BUB1B: variants seen among roughly 807,000 people sequenced by gnomAD.
BUB1B encodes the protein BUB1 mitotic checkpoint serine/threonine kinase B.
A neutral mutation model predicts 137.7 loss-of-function variants in BUB1B; 86 were observed. The ratio of observed to expected loss-of-function variants is 0.62; its 90% CI spans 0.52 to 0.75. The LOEUF (loss-of-function observed/expected upper bound fraction) is 0.75, where lower values mean the gene tolerates loss of function less well. Among genes scored for constraint, BUB1B ranks in the 30% least tolerant of loss-of-function variants. The probability of loss-of-function intolerance (pLI) is 0.00; values close to 1 mark genes in which losing one functional copy is unlikely to be tolerated. For synonymous variants in BUB1B, 420 were observed against 417.9 expected (o/e 1.00, Z -0.06); for missense variants, 1,130 against 1,236.9 (o/e 0.91, Z 1.30).
At chr15:40,220,094 AAAG>A (rs2037874012) in intron 22 of BUB1B, among the ~76,000 whole-genome samples, 1 of 152,192 alleles carries the variant, frequency 6.6e-6, no homozygotes, top group African/African-American at 2.4e-5. Flanking sequence ...TCTCTGATCA[AAAG>A]AAAATAATAA....
At chr15:40,217,201 C>T (rs1277817603) in intron 20 of BUB1B, among the ~76,000 whole-genome samples, 2 of 152,138 alleles carry the variant, frequency 1.3e-5, no homozygotes, top group Non-Finnish European at 1.5e-5. Context: ...GGGAAGAAGC[C>T]TGTGCTCTGC....
chr15:40,218,538 G>T lies in BUB1B; in HGVS notation c.2933G>T (p.Trp978Leu), dbSNP rs1191638586. 2 of 1,613,488 alleles carry T rather than the reference G, an allele frequency of 1.2e-6. No homozygotes were observed. The highest frequency in any genetic ancestry group is 2.7e-5 in the African/African-American group (2 of 74,914). ...HLQVFWDGSF[W>L]KLSQNISELK... ...CAGGTCTTCTGGGATGGGTCCTTCT[G>T]GAAACTTAGCCAAAATATTTCTGAG... The change falls in exon 22 of 23, where the codon TGG becomes TTG. Residue 978 changes from tryptophan to leucine, a missense_variant. By Grantham distance (61) the Trp-to-Leu change is moderately conservative. Coordinates refer to ENST00000287598, the MANE Select transcript of BUB1B (RefSeq NM_001211.6).
chr15:40,183,100 T>C (rs922347258), intron 5 of BUB1B, among the ~76,000 whole-genome samples: 8 of 152,188 alleles, frequency 5.3e-5, no homozygotes, highest in Admixed American at 4.6e-4. Context: ...GATAATACTT[T>C]TTAAGGCTAG....
intron 8 of BUB1B, 113 bp downstream of exon 8, chr15:40,185,755 A>G (rs1285106695): frequency 4.1e-6 from 4 of 986,270 alleles, no homozygotes; most frequent in Non-Finnish European, 6.3e-6. Flanking sequence ...TAACCAGGCC[A>G]GGCGCAGTAG....
chr15:40,165,170 T>C lies in BUB1B; in HGVS notation c.153T>C (p.Cys51=). The change falls in exon 2 of 23, where the codon TGT becomes TGC. Residue 51 remains cysteine, a synonymous_variant. Transcript: ENST00000287598. The stretch of plus-strand genomic sequence containing the variant: ...GAGCACTGGCACAAGAATCTGCCTG[T>C]AACAATACTCTTCAGCAGCAGAAAC... ...LQGALAQESA[C]NNTLQQQKRA... 6.2e-7 allele frequency: 1 copy of C among 1,614,214 alleles called. No homozygotes were observed. The highest frequency in any genetic ancestry group is 1.7e-5 in the Admixed American group (1 of 60,026).
intron 5 of BUB1B, among the ~76,000 whole-genome samples, chr15:40,179,203 T>C (rs1410280842): frequency 6.6e-6 from 1 of 152,176 alleles, no homozygotes; most frequent in Non-Finnish European, 1.5e-5. Context: ...TTCAGCATAC[T>C]GTTTTCAAGG....
At chr15:40,214,439 A>T (rs572783023) in intron 20 of BUB1B, among the ~76,000 whole-genome samples, 1 of 152,316 alleles carries the variant, frequency 6.6e-6, no homozygotes, top group South Asian at 2.1e-4. Context: ...TTGGTGTTAT[A>T]GTATTTGAGT....
At chr15:40,162,326 A>G (rs187508920) in intron 1 of BUB1B, among the ~76,000 whole-genome samples, 108 of 152,348 alleles carry the variant, frequency 7.1e-4, no homozygotes, top group African/African-American at 2.5e-3. Flanking sequence ...AATGGTGAAG[A>G]TGCAGATTGT....
chr15:40,175,889 C>T (rs896948155), intron 4 of BUB1B, among the ~76,000 whole-genome samples: 6 of 152,134 alleles, frequency 3.9e-5, no homozygotes, highest in Non-Finnish European at 7.3e-5. Context: ...CATTTTCCAC[C>T]TGATAAAAGT....
intron 5 of BUB1B, among the ~76,000 whole-genome samples, chr15:40,181,798 TTC>T (rs569213127): frequency 3.9e-5 from 6 of 152,336 alleles, no homozygotes; most frequent in East Asian, 1.9e-4. Context: ...ATTCTAAAAT[TTC>T]TGTTTCATTC....
chr15:40,217,371 A>G (rs900721904), intron 20 of BUB1B, 125 bp from the exon 21 acceptor site: 2 of 987,410 alleles, frequency 2.0e-6, no homozygotes, highest in South Asian at 1.4e-5. Context: ...TTCAAAATTA[A>G]CCACTGGAGG....
intron 8 of BUB1B, among the ~76,000 whole-genome samples, chr15:40,186,734 T>C (rs11637268): frequency 0.67 from 102,145 of 151,378 alleles, 34,817 homozygotes; most frequent in Non-Finnish European, 0.7. Context: ...CGTGAGCCAC[T>C]GCGCCCAGCC....
At chr15:40,191,378 G>A (rs1387665265) in intron 8 of BUB1B, among the ~76,000 whole-genome samples, 1 of 152,076 alleles carries the variant, frequency 6.6e-6, no homozygotes, top group Non-Finnish European at 1.5e-5. Flanking sequence ...CTTCTTTTCG[G>A]ATACATGATT....
chr15:40,167,764 G>T (rs1054686166), intron 2 of BUB1B, among the ~76,000 whole-genome samples: 5 of 147,884 alleles, frequency 3.4e-5, no homozygotes, highest in Non-Finnish European at 7.5e-5. Flanking sequence ...TAGTTGTTCT[G>T]CCTCATTTGT....
At chr15:40,201,859 C>T (rs1228597107) in intron 12 of BUB1B, among the ~76,000 whole-genome samples, 4 of 151,656 alleles carry the variant, frequency 2.6e-5, no homozygotes, top group African/African-American at 4.8e-5. Flanking sequence ...TTAGTAGAGA[C>T]GGGGTTTCAT....
At chr15:40,189,608 A>G (rs1440305449) in intron 8 of BUB1B, among the ~76,000 whole-genome samples, 1 of 152,196 alleles carries the variant, frequency 6.6e-6, no homozygotes, top group Non-Finnish European at 1.5e-5. Flanking sequence ...TTAACCATTC[A>G]TCAGTTGATA....
At chr15:40,217,138 T>C (rs1418389491) in intron 20 of BUB1B, among the ~76,000 whole-genome samples, 1 of 152,228 alleles carries the variant, frequency 6.6e-6, no homozygotes, top group Non-Finnish European at 1.5e-5. Context: ...TCCATCATAA[T>C]TCCTGTCAGT....
intron 9 of BUB1B, among the ~76,000 whole-genome samples, chr15:40,197,918 C>G (rs538729828): frequency 8.5e-5 from 13 of 152,128 alleles, no homozygotes; most frequent in African/African-American, 2.7e-4. Flanking sequence ...GGAGGGTGGC[C>G]AAATATGAAC....
At chr15:40,195,428 A>T (rs1425118190) in intron 8 of BUB1B, among the ~76,000 whole-genome samples, 1 of 152,174 alleles carries the variant, frequency 6.6e-6, no homozygotes, top group Non-Finnish European at 1.5e-5. Flanking sequence ...GTTGTGAATT[A>T]TGCTGCTAAA....
Sources: allele counts gnomAD v4.1 joint callset (sites outside exome capture counted in the v4.1 genomes callset), GRCh38; gene constraint gnomAD v4.1.1; transcripts MANE v1.5; gene names NCBI Gene and HGNC (gene_info 2026-07-23, HGNC 2026-07-21).